HPS1: variants seen among roughly 807,000 people sequenced by gnomAD.
HPS1 encodes HPS1 biogenesis of lysosomal organelles complex 3 subunit 1, also known as BLOC-3 complex member HPS1.
Under a neutral mutation model 90.6 loss-of-function variants are expected in HPS1, and 59 were observed. The observed-to-expected ratio is 0.65, with a 90% CI of 0.53 to 0.81. The LOEUF is 0.81. HPS1 is among the 30% of genes least tolerant of loss of function. The pLI is 0.00. For missense variants in HPS1, 849 were observed against 896.7 expected, an observed-to-expected ratio of 0.95 and a Z score of 0.68; for synonymous variants, 388 against 384.4, an observed-to-expected ratio of 1.01 and a Z score of -0.11.
At chr10:98,434,324 C>T (rs1846981341) in intron 5 of HPS1, among the ~76,000 whole-genome samples, 1 of 151,982 alleles carries the variant, frequency 6.6e-6, no homozygotes, top group African/African-American at 2.4e-5. Flanking sequence ...ACTCCTCAGC[C>T]TCTGTCACAC....
chr10:98,418,291 G>C (rs770713143), intron 18 of HPS1, 34 bp from the exon 19 acceptor site: 3 of 1,355,834 alleles, frequency 2.2e-6, no homozygotes, highest in Admixed American at 3.5e-5. Context: ...AGTGGGTGTG[G>C]GGGTAGTGCA....
At chr10:98,415,244 C>T, downstream of HPS1, 1 of 1,377,914 alleles carries the variant, frequency 7.3e-7, no homozygotes. Context: ...GGAGGAGCTG[C>T]AGTCCCCCTC....
Position 98,427,137 on chromosome 10 carries a change from C to T in HPS1, c.987+78G>A, listed in dbSNP as rs994088348. 39 of 1,276,904 alleles carry T rather than the reference C, an allele frequency of 3.1e-5. No individual in the cohort carries two copies. In the East Asian group the frequency reaches 3.3e-4, roughly 11 times the overall value. The allele number at this position is 1,276,904 out of a possible 1,614,324, so 79.1% of individuals were successfully genotyped here. A position where few individuals can be genotyped will look rare whatever the true frequency, so the allele number is the denominator to read the frequency against. ...GGCACGGGTAGAGTCACCCTGGAGG[C>T]GAAACCCTCAGAGCCCCCAATACTC... On this transcript the variant is annotated intron_variant, in intron 11 of 19. Coordinates refer to ENST00000361490, the MANE Select transcript of HPS1 (RefSeq NM_000195.5).
intron 6 of HPS1, among the ~76,000 whole-genome samples, chr10:98,432,477 G>T (rs1314841406): frequency 6.6e-6 from 1 of 152,158 alleles, no homozygotes; most frequent in Admixed American, 6.5e-5. Context: ...GTGAATGAGT[G>T]GGGGTATGAG....
chr10:98,431,896 A>G (rs1846527952), intron 6 of HPS1, among the ~76,000 whole-genome samples: 1 of 152,242 alleles, frequency 6.6e-6, no homozygotes, highest in Non-Finnish European at 1.5e-5. Flanking sequence ...TATTATCACC[A>G]TATGATATAA....
intron 3 of HPS1, among the ~76,000 whole-genome samples, chr10:98,436,834 A>G (rs1197171966): frequency 6.6e-6 from 1 of 152,238 alleles, no homozygotes; most frequent in African/African-American, 2.4e-5. Flanking sequence ...CCTTGCCTTG[A>G]AAAGAAAGAC....
chr10:98,419,944 G>T, intron 18 of HPS1, 101 bp downstream of exon 18: 1 of 868,284 alleles, frequency 1.2e-6, no homozygotes, highest in South Asian at 1.3e-5. Flanking sequence ...AAGAAGAGAA[G>T]ATGAGACAGA....
At chr10:98,420,229 G>T in intron 17 of HPS1, 71 bp from the exon 18 acceptor site, 1 of 1,102,178 alleles carries the variant, frequency 9.1e-7, no homozygotes, top group Non-Finnish European at 1.4e-6. Flanking sequence ...ACCTCCGAAG[G>T]AAGGAAAGGG....
chr10:98,415,764 C>T (rs1188881219), downstream of HPS1, among the ~76,000 whole-genome samples: 1 of 129,108 alleles, frequency 7.7e-6, no homozygotes, highest in Non-Finnish European at 1.6e-5. Flanking sequence ...CTCCTAAATG[C>T]TCAAACACAA....
At chr10:98,427,737 G>A (rs1462991322) in intron 10 of HPS1, among the ~76,000 whole-genome samples, 1 of 152,206 alleles carries the variant, frequency 6.6e-6, no homozygotes, top group Non-Finnish European at 1.5e-5. Context: ...TGGGAATTGA[G>A]GTGGATTTCC....
At chr10:98,422,577 C>T in intron 16 of HPS1, 64 bp from the exon 17 acceptor site, 1 of 1,545,258 alleles carries the variant, frequency 6.5e-7, no homozygotes, top group Non-Finnish European at 8.9e-7. Flanking sequence ...CTGTCCTGGG[C>T]TTCTAGCTGT....
rs1591054574 is a variant in HPS1, at chr10:98,425,810, T to C, written c.1155+8A>G. On this transcript the variant is annotated splice_region_variant and intron_variant, in intron 12 of 19. Coordinates refer to ENST00000361490, the MANE Select transcript of HPS1 (RefSeq NM_000195.5). ...GCATCATCAGGGCAGGGTGAGGGGC[T>C]CTCCTACCCTGGTCAGGAGCACCAG... is the stretch of plus-strand genomic sequence containing the variant. The C allele has an allele frequency of 6.2e-7, 1 of 1,611,680 alleles. No individual in the cohort carries two copies.
Position 98,425,705 on chromosome 10 carries a change from G to T in HPS1, c.1171C>A (p.Leu391Met). ...ATCAGCTGGGACAGAACCAGGGCCA[G>T]GGGCGCGCTGGGGCTCTGAGGGTAA... ...VLLTRSPSAP[L>M]ALVLSQLMDG... is the part of the protein sequence containing the mutation. The change falls in exon 13 of 20, where the codon CTG becomes ATG. Residue 391 changes from leucine to methionine, a missense_variant. Physicochemically the swap from Leu to Met is conservative, Grantham distance 15. Coordinates refer to ENST00000361490, the MANE Select transcript of HPS1 (RefSeq NM_000195.5). The T allele has an allele frequency of 6.2e-7, 1 of 1,609,746 alleles. No homozygotes were observed.
rs1010465940 is a variant in HPS1 at position 98,420,263 on chromosome 10, G to A, written c.1744-105C>T. On this transcript the variant is annotated intron_variant, in intron 17 of 19. Coordinates refer to ENST00000361490, the MANE Select transcript of HPS1 (RefSeq NM_000195.5). Reference sequence around the variant, plus strand: ...GGCACAGCCGAGAAGCTCCGTGAGTGCCAGGGGCCTCTCCTAGTACCCGGG... The same window carrying A: ...GGCACAGCCGAGAAGCTCCGTGAGTACCAGGGGCCTCTCCTAGTACCCGGG... 7.4e-6 allele frequency: 6 copies of A among 810,724 alleles called. No individual in the cohort carries two copies. The Admixed American group carries it at 9.1e-5, about 12-fold the overall frequency. The allele number at this position is 810,724 out of a possible 1,614,324, so 50.2% of individuals were successfully genotyped here.
chr10:98,434,973 G>A (rs558812521), intron 5 of HPS1: 2 of 439,058 alleles, frequency 4.6e-6, no homozygotes, highest in Non-Finnish European at 8.5e-6. Context: ...GATGTTGGGA[G>A]GATGGAAAGA....
intron 3 of HPS1, among the ~76,000 whole-genome samples, chr10:98,441,867 C>A (rs1938484839): frequency 6.6e-6 from 1 of 152,098 alleles, no homozygotes; most frequent in Non-Finnish European, 1.5e-5. Flanking sequence ...ACTGAACTCT[C>A]AAACACTACA....
chr10:98,438,165 G>T (rs558053420), intron 3 of HPS1, among the ~76,000 whole-genome samples: 1 of 152,244 alleles, frequency 6.6e-6, no homozygotes, highest in African/African-American at 2.4e-5. Flanking sequence ...CTTTATAGTG[G>T]TACGAAAACG....
intron 6 of HPS1, among the ~76,000 whole-genome samples, chr10:98,433,057 C>A (rs59405853): frequency 0.021 from 3,171 of 152,010 alleles, 124 homozygotes; most frequent in African/African-American, 0.07. Context: ...CATAGTGAAA[C>A]CCCGTCTCTA....
At chr10:98,434,989 G>A (rs1331863827) in intron 5 of HPS1, 4 of 471,898 alleles carry the variant, frequency 8.5e-6, no homozygotes, top group African/African-American at 3.9e-5. Context: ...AAAGAGCACT[G>A]GACTGAGAGT....
Sources: gnomAD v4.1 joint callset for allele counts (sites outside exome capture counted in the v4.1 genomes callset) on GRCh38, gnomAD v4.1.1 for gene constraint, MANE v1.5 for transcripts, NCBI Gene and HGNC (gene_info 2026-07-23, HGNC 2026-07-21) for gene names.